The following CACNA1C variants were observed in gnomAD, a reference collection of about 807,000 sequenced individuals.
CACNA1C encodes voltage-dependent L-type calcium channel subunit alpha-1C.
In CACNA1C, 30 loss-of-function variants were observed where a neutral mutation model predicts 229.0. That is an observed-to-expected ratio of 0.13 (90% CI 0.10 to 0.18). The LOEUF is 0.18. Among genes scored for constraint, CACNA1C ranks in the 10% least tolerant of loss-of-function variants. CACNA1C has a pLI of 1.00. For synonymous variants in CACNA1C, 1,114 were observed against 1,132.5 expected (o/e 0.98, Z 0.33); for missense variants, 1,658 against 2,845.0 (o/e 0.58, Z 9.49).
chr12:2,418,337 A>G (rs2098937574), intron 3 of CACNA1C, among the ~76,000 whole-genome samples: 1 of 152,166 alleles, frequency 6.6e-6, no homozygotes, highest in Non-Finnish European at 1.5e-5. Flanking sequence ...CTCCAAGGAG[A>G]GCAACCACTG....
At chr12:2,299,970 CCAT>C (rs1056714479) in intron 3 of CACNA1C, among the ~76,000 whole-genome samples, 1 of 152,164 alleles carries the variant, frequency 6.6e-6, no homozygotes, top group African/African-American at 2.4e-5. Flanking sequence ...GTGTTCACTG[CCAT>C]CATCATCATC....
At chr12:2,151,330 T>C (rs1386476562) in intron 3 of CACNA1C, among the ~76,000 whole-genome samples, 1 of 151,212 alleles carries the variant, frequency 6.6e-6, no homozygotes, top group South Asian at 2.1e-4. Flanking sequence ...CCAGGATTCT[T>C]TGTATATACC....
At position 2,597,363 on chromosome 12, in the gene CACNA1C, T is replaced by C; in HGVS notation, c.2853+74T>C. On this transcript the variant is annotated intron_variant, in intron 21 of 46. Coordinates refer to ENST00000399655, the MANE Select transcript of CACNA1C (RefSeq NM_000719.7). The surrounding 1 kb of genome is among the most constrained non-coding windows in gnomAD (Gnocchi z 4.3). ...CCAGGTCTCTGCCGCTGTCTGTCGCTAACACACATGCTCCTTCCTGTTGGT... is the reference window on the plus strand; with the variant it reads ...CCAGGTCTCTGCCGCTGTCTGTCGCCAACACACATGCTCCTTCCTGTTGGT... 1.3e-6 allele frequency: 2 copies of C among 1,497,972 alleles called. No individual in the cohort carries two copies. Among genetic ancestry groups the C allele is most frequent in the Non-Finnish European group, 1.9e-6 (2 of 1,074,216 alleles). 92.8% of individuals were successfully genotyped at this position (1,497,972 alleles called of 1,614,324 possible).
At chr12:2,667,794 A>T (rs936066624) in intron 37 of CACNA1C, among the ~76,000 whole-genome samples, 4 of 152,154 alleles carry the variant, frequency 2.6e-5, no homozygotes, top group African/African-American at 9.7e-5. Flanking sequence ...CTGGTCACTC[A>T]GGAGAAGTGT....
At chr12:2,572,286 C>T (rs529207919) in intron 13 of CACNA1C, among the ~76,000 whole-genome samples, 2 of 138,116 alleles carry the variant, frequency 1.4e-5, no homozygotes, top group African/African-American at 2.7e-5. Context: ...AATCGGAAAA[C>T]TTGATTATTA....
chr12:2,453,360 C>T (rs938994898), intron 4 of CACNA1C, among the ~76,000 whole-genome samples: 39 of 152,270 alleles, frequency 2.6e-4, no homozygotes, highest in East Asian at 5.8e-4. Flanking sequence ...GCCTATTGCT[C>T]CTGAATGAAA....
intron 3 of CACNA1C, among the ~76,000 whole-genome samples, chr12:2,224,532 G>A (rs944455887): frequency 2.6e-5 from 4 of 152,184 alleles, no homozygotes; most frequent in Non-Finnish European, 2.9e-5. Context: ...GATAGCCAGG[G>A]TGGTCAGCTG....
chr12:2,527,217 A>G (rs767525795), intron 9 of CACNA1C, among the ~76,000 whole-genome samples: 9 of 152,220 alleles, frequency 5.9e-5, no homozygotes, highest in Non-Finnish European at 1.2e-4. Context: ...AAGAACTTCA[A>G]TAGTGCCTTG....
intron 3 of CACNA1C, among the ~76,000 whole-genome samples, chr12:2,400,694 C>T (rs982196224): frequency 6.6e-6 from 1 of 152,180 alleles, no homozygotes; most frequent in Non-Finnish European, 1.5e-5. Flanking sequence ...ATTCTTCCCT[C>T]TTATTTATCC....
At chr12:2,056,951 C>G (rs981536742) in intron 1 of CACNA1C, among the ~76,000 whole-genome samples, 1 of 152,054 alleles carries the variant, frequency 6.6e-6, no homozygotes, top group African/African-American at 2.4e-5. Flanking sequence ...AGGCTAATGC[C>G]CTTCAGGGAC....
intron 29 of CACNA1C, among the ~76,000 whole-genome samples, chr12:2,621,256 T>A (rs1305487605): frequency 6.6e-6 from 1 of 151,960 alleles, no homozygotes; most frequent in Non-Finnish European, 1.5e-5. Context: ...GTGGGGAAAC[T>A]AAAGAGTGTG....
intron 3 of CACNA1C, among the ~76,000 whole-genome samples, chr12:2,334,475 C>T (rs769226485): frequency 3.3e-5 from 5 of 152,048 alleles, no homozygotes; most frequent in Non-Finnish European, 5.9e-5. Flanking sequence ...TGTAGTGAGG[C>T]GAAGTGGGCT....
Position 2,152,089 on chromosome 12 carries a change from CA to C in CACNA1C, c.477+31660del, listed in dbSNP as rs1386328491. 3.9e-5 allele frequency among the ~76,000 whole-genome samples: 6 copies of C among 152,300 alleles called. No individual in the cohort carries two copies. The East Asian group carries it at 1.2e-3, about 29-fold the overall frequency. ...ATTTGTGGTAATGGTCATTTAGTTT[CA>C]GGAAAACATCGATGGTGCCCTTCCC... On this transcript the variant is annotated intron_variant, in intron 3 of 46. Coordinates refer to ENST00000399655, the MANE Select transcript of CACNA1C (RefSeq NM_000719.7). The surrounding 1 kb of genome is among the most constrained non-coding windows in gnomAD (Gnocchi z 4.2).
At position 2,585,096 on chromosome 12, in the gene CACNA1C, A is replaced by G. The variant is rs970581514; in HGVS notation, c.2340-280A>G. Among the ~76,000 whole-genome samples the G allele has an allele frequency of 3.9e-5, 6 of 152,174 alleles. No homozygotes were observed. Among genetic ancestry groups the G allele is most frequent in the African/African-American group, 1.4e-4 (6 of 41,446 alleles). On this transcript the variant is annotated intron_variant, in intron 16 of 46. Transcript: ENST00000399655. The surrounding 1 kb of genome is among the most constrained non-coding windows in gnomAD (Gnocchi z 4.1). ...CTGAGCAGAGCTCCTCCAGGAGCCAATCCTAGATGAGATCCACCATCCTTT... is the reference window on the plus strand; with the variant it reads ...CTGAGCAGAGCTCCTCCAGGAGCCAGTCCTAGATGAGATCCACCATCCTTT...
rs79492050 is a variant in CACNA1C, at chr12:2,253,827, C to T, written c.477+133397C>T. Among the ~76,000 whole-genome samples the T allele has an allele frequency of 4.8e-4, 73 of 152,326 alleles. No individual in the cohort carries two copies. The East Asian group carries it at 0.01, about 21-fold the overall frequency. ...TTGCAATGGAAGATTTCTTCTATCT[C>T]ATTGGGAGCACTTAATAACCTTTAA... On this transcript the variant is annotated intron_variant, in intron 3 of 46. Coordinates refer to ENST00000399655, the MANE Select transcript of CACNA1C (RefSeq NM_000719.7).
At chr12:2,494,331 A>T (rs944762009) in intron 7 of CACNA1C, among the ~76,000 whole-genome samples, 3 of 152,222 alleles carry the variant, frequency 2.0e-5, no homozygotes, top group Non-Finnish European at 4.4e-5. Context: ...AGCTGTCTCG[A>T]TTCTGGCAAA....
At chr12:2,437,482 A>G (rs2154559902) in intron 3 of CACNA1C, among the ~76,000 whole-genome samples, 1 of 152,378 alleles carries the variant, frequency 6.6e-6, no homozygotes, top group Admixed American at 6.5e-5. Context: ...TACTAGCAGT[A>G]AGGCTTTGTG....
At chr12:2,663,005 C>T (rs10774052) in intron 34 of CACNA1C, among the ~76,000 whole-genome samples, 92,977 of 152,104 alleles carry the variant, frequency 0.61, 30,383 homozygotes, top group Non-Finnish European at 0.73. Flanking sequence ...TAAGTTATTG[C>T]GGAAAAACAA....
intron 3 of CACNA1C, among the ~76,000 whole-genome samples, chr12:2,322,563 A>G (rs982324595): frequency 9.2e-5 from 14 of 152,208 alleles, no homozygotes; most frequent in African/African-American, 3.4e-4. Context: ...CATTTTACAG[A>G]TGAAAAATGA....
Sources: allele counts gnomAD v4.1 joint callset (sites outside exome capture counted in the v4.1 genomes callset), GRCh38; gene constraint gnomAD v4.1.1; non-coding constraint Gnocchi (gnomAD v3.1); transcripts MANE v1.5; gene names NCBI Gene and HGNC (gene_info 2026-07-23, HGNC 2026-07-21).